Variants in GPR34 observed in about 807,000 individuals in gnomAD.
GPR34 encodes the protein G protein-coupled receptor 34.
Under a neutral mutation model 14.1 loss-of-function variants are expected in GPR34, and 3 were observed. The ratio of observed to expected loss-of-function variants is 0.21; its 90% CI spans 0.10 to 0.55. GPR34 has a LOEUF of 0.55. Among genes scored for constraint, GPR34 ranks in the 20% least tolerant of loss-of-function variants. GPR34 has a pLI of 0.94. For missense variants in GPR34, 213 were observed against 292.8 expected, an observed-to-expected ratio of 0.73 and a Z score of 1.99; for synonymous variants, 99 against 99.9, an observed-to-expected ratio of 0.99 and a Z score of 0.05.
chrX:41,696,085 A>G lies in GPR34; in HGVS notation c.452A>G (p.Asp151Gly). The G allele has an allele frequency of 8.3e-7, 1 of 1,202,912 alleles. No homozygotes were observed. Residue 151 changes from aspartate (D) to glycine (G), a missense_variant, in exon 3 of 3, where the codon GAT becomes GGT. Coordinates refer to ENST00000378142, the MANE Select transcript of GPR34 (RefSeq NM_001097579.2). ...SIILLGFISL[D>G]RYIKINRSIQ... is the part of the protein sequence containing the mutation. ...ATTTTGCTTGGATTCATCAGTTTGG[A>G]TCGCTATATAAAAATTAATCGGTCT...
At chrX:41,690,380 T>C (rs2067523402) in intron 2 of GPR34, among the ~76,000 whole-genome samples, 1 of 110,722 alleles carries the variant, frequency 9.0e-6, no homozygotes, top group South Asian at 3.8e-4. Flanking sequence ...AGACTCTCGC[T>C]CTGTTGCCCA....
intron 2 of GPR34, among the ~76,000 whole-genome samples, chrX:41,690,742 A>G (rs1928256): frequency 0.066 from 7,007 of 105,716 alleles, 631 homozygotes; most frequent in African/African-American, 0.23. Flanking sequence ...GGAGTGATCT[A>G]GGATCACTGC....
rs1188844649 is a variant in GPR34 at position 41,697,044 on chromosome X, ATAAT to A, written c.*269_*272del. On this transcript the variant is annotated 3_prime_UTR_variant, in exon 3 of 3. Coordinates refer to ENST00000378142, the MANE Select transcript of GPR34 (RefSeq NM_001097579.2). ...TGAAATTTATGGCTCTAACAGCAAA[ATAAT>A]TAAAGTGCCATAGTTTCTCAAGTGA... 2 of 244,033 alleles carry A rather than the reference ATAAT, an allele frequency of 8.2e-6. No individual in the cohort carries two copies. Among genetic ancestry groups the A allele is most frequent in the East Asian group, 1.4e-4 (2 of 14,651 alleles). The allele number at this position is 244,033 out of a possible 1,213,427, so 20.1% of individuals were successfully genotyped here. A position where few individuals can be genotyped will look rare whatever the true frequency, so the allele number is the denominator to read the frequency against.
Position 41,696,001 on chromosome X carries a change from G to A in GPR34, c.368G>A (p.Gly123Asp). The change falls in exon 3 of 3, where the codon GGT becomes GAT. Residue 123 changes from glycine (G) to aspartate (D), a missense_variant. Transcript: ENST00000378142. ...YHINQNKWTL[G>D]VILCKVVGTL... Reference sequence around the variant, plus strand: ...ATTAACCAAAACAAGTGGACACTAGGTGTGATTCTGTGCAAGGTTGTGGGA... The same window carrying A: ...ATTAACCAAAACAAGTGGACACTAGATGTGATTCTGTGCAAGGTTGTGGGA... The A allele has an allele frequency of 1.7e-6, 2 of 1,209,157 alleles. No individual in the cohort carries two copies. Among genetic ancestry groups the A allele is most frequent in the Non-Finnish European group, 2.2e-6 (2 of 893,340 alleles).
intron 2 of GPR34, among the ~76,000 whole-genome samples, chrX:41,694,342 G>A (rs1374816653): frequency 8.9e-6 from 1 of 111,867 alleles, no homozygotes; most frequent in Admixed American, 9.5e-5. Context: ...ACCCTGCTAA[G>A]TGGCTGCTGT....
chrX:41,691,558 A>G (rs1231135265), intron 2 of GPR34, among the ~76,000 whole-genome samples: 2 of 110,956 alleles, frequency 1.8e-5, no homozygotes, highest in Admixed American at 9.6e-5. Flanking sequence ...GGGCACTGTC[A>G]TTTAAGAGTT....
intron 2 of GPR34, 44 bp from the exon 3 acceptor site, chrX:41,695,511 T>C (rs1376221764): frequency 2.0e-6 from 1 of 488,060 alleles, no homozygotes; most frequent in Non-Finnish European, 3.5e-6. Flanking sequence ...AAAGTAACTG[T>C]TATTAAAATA....
intron 2 of GPR34, among the ~76,000 whole-genome samples, chrX:41,693,231 CT>C (rs2067610499): frequency 9.0e-6 from 1 of 111,419 alleles, no homozygotes; most frequent in South Asian, 3.8e-4. Context: ...TACAGACACC[CT>C]TTTCCTTTTC....
intron 2 of GPR34, among the ~76,000 whole-genome samples, chrX:41,692,669 GTTC>G (rs1236447180): frequency 1.8e-5 from 2 of 112,126 alleles, no homozygotes; most frequent in African/African-American, 6.5e-5. Flanking sequence ...CATGATTTGA[GTTC>G]TTCTCTCCAT....
At chrX:41,689,458 T>C (rs1003204793) in intron 1 of GPR34, among the ~76,000 whole-genome samples, 1 of 112,068 alleles carries the variant, frequency 8.9e-6, no homozygotes, top group Admixed American at 9.5e-5. Flanking sequence ...TTATAACTTA[T>C]TGACTTTAAG....
chrX:41,690,302 AC>A (rs1569398689), intron 2 of GPR34, among the ~76,000 whole-genome samples: 1 of 109,350 alleles, frequency 9.1e-6, no homozygotes, highest in African/African-American at 3.3e-5. Flanking sequence ...AGAAAAAAAA[AC>A]AGTCACCAAG....
chrX:41,691,797 T>C (rs1448258102), intron 2 of GPR34, among the ~76,000 whole-genome samples: 4 of 82,531 alleles, frequency 4.8e-5, no homozygotes, highest in Non-Finnish European at 8.6e-5. Context: ...GCTGAGACCA[T>C]GCCATTGCAC....
chrX:41,692,988 A>G (rs910795504), intron 2 of GPR34, among the ~76,000 whole-genome samples: 3 of 112,052 alleles, frequency 2.7e-5, no homozygotes, highest in African/African-American at 9.7e-5. Flanking sequence ...AATAATATTT[A>G]TTATGCTAAG....
At position 41,695,733 on chromosome X, in the gene GPR34, C is replaced by T; in HGVS notation, c.100C>T (p.Pro34Ser). The T allele has an allele frequency of 8.3e-7, 1 of 1,208,715 alleles. No individual in the cohort carries two copies. Among genetic ancestry groups the T allele is most frequent in the Non-Finnish European group, 1.1e-6 (1 of 892,846 alleles). The change falls in exon 3 of 3, where the codon CCA becomes TCA. Residue 34 changes from proline (P) to serine (S), a missense_variant. Coordinates refer to ENST00000378142, the MANE Select transcript of GPR34 (RefSeq NM_001097579.2). ...RFITNHSDQP[P>S]QNFSATPNVT... ...TATAACCAATCATAGCGACCAACCG[C>T]CACAAAACTTCTCAGCAACACCAAA... is the stretch of plus-strand genomic sequence containing the variant.
intron 2 of GPR34, 40 bp downstream of exon 2, chrX:41,689,875 A>T (rs1156287456): frequency 1.8e-5 from 2 of 111,731 alleles, no homozygotes; most frequent in East Asian, 5.6e-4. Context: ...TTTCACAAAC[A>T]TACCCAAACT....
At position 41,696,594 on chromosome X, in the gene GPR34, T is replaced by G; in HGVS notation, c.961T>G (p.Cys321Gly). 8.3e-7 allele frequency: 1 copy of G among 1,210,050 alleles called. No homozygotes were observed. The highest frequency in any genetic ancestry group is 1.1e-6 in the Non-Finnish European group (1 of 894,016). The change falls in exon 3 of 3, where the codon TGC becomes GGC. Residue 321 changes from cysteine to glycine, a missense_variant. Physicochemically the swap from Cys to Gly is radical, Grantham distance 159. Transcript: ENST00000378142. Reference sequence around the variant, plus strand: ...GCTGGTTCTCTCATCTTTCAATAGTTGCTTAGATCCAGTCATGTATTTCCT... The same window carrying G: ...GCTGGTTCTCTCATCTTTCAATAGTGGCTTAGATCCAGTCATGTATTTCCT... ...IMLVLSSFNS[C>G]LDPVMYFLMS...
chrX:41,690,301 AAC>A (rs1185468293), intron 2 of GPR34, among the ~76,000 whole-genome samples: 1 of 109,457 alleles, frequency 9.1e-6, no homozygotes, highest in African/African-American at 3.3e-5. Context: ...GAGAAAAAAA[AAC>A]AGTCACCAAG....
chrX:41,691,840 CAAAAAAAAAAA>C (rs397895684), intron 2 of GPR34, among the ~76,000 whole-genome samples: 4 of 28,484 alleles, frequency 1.4e-4, no homozygotes, highest in African/African-American at 6.1e-4. Context: ...GACTCTGTCT[CAAAAAAAAAAA>C]AAAAAAAAAA....
At position 41,696,881 on chromosome X, in the gene GPR34, A is replaced by C; in HGVS notation, c.*102A>C. The C allele has an allele frequency of 5.8e-5, 28 of 485,156 alleles. No individual in the cohort carries two copies. Among genetic ancestry groups the C allele is most frequent in the Non-Finnish European group, 9.3e-5 (28 of 301,260 alleles). 40.0% of individuals were successfully genotyped at this position (485,156 alleles called of 1,213,427 possible). A position where few individuals can be genotyped will look rare whatever the true frequency, so the allele number is the denominator to read the frequency against. ...CTAGCATTTACAAAACTCAGATCTCAAAGCTCTGCTTGTATTTGTGATATT... is the reference window on the plus strand; with the variant it reads ...CTAGCATTTACAAAACTCAGATCTCCAAGCTCTGCTTGTATTTGTGATATT... On this transcript the variant is annotated 3_prime_UTR_variant, in exon 3 of 3. Transcript: ENST00000378142.
Sources: gnomAD v4.1 joint callset for allele counts (sites outside exome capture counted in the v4.1 genomes callset) on GRCh38, gnomAD v4.1.1 for gene constraint, MANE v1.5 for transcripts, NCBI Gene and HGNC (gene_info 2026-07-23, HGNC 2026-07-21) for gene names.